Variants in PISD observed in about 807,000 individuals in gnomAD.
PISD encodes the protein phosphatidylserine decarboxylase.
PISD carries 31 observed loss-of-function variants against 43.5 expected under a neutral mutation model. The observed-to-expected ratio is 0.71, with a 90% CI of 0.54 to 0.96. The LOEUF (loss-of-function observed/expected upper bound fraction) is 0.96, where lower values mean the gene tolerates loss of function less well. Ranked by LOEUF, PISD falls within the 40% of genes least tolerant of loss-of-function variation. The pLI, the probability that PISD is intolerant of heterozygous loss-of-function variation, is 0.00. For synonymous variants in PISD, 259 were observed against 228.7 expected (o/e 1.13, Z -1.20); for missense variants, 523 against 548.4 (o/e 0.95, Z 0.46).
rs55946723 is a variant in PISD at position 31,624,712 on chromosome 22, GACACACACACACAC to G, written c.322-2841_322-2828del. On this transcript the variant is annotated intron_variant, in intron 3 of 7. Transcript: ENST00000439502. ...CAAGCCCCTCCTTTCAGCAAAGGTG[GACACACACACACAC>G]ACACACACACACACACACACACACA... Among the ~76,000 whole-genome samples, 969 of 111,986 alleles carry G rather than the reference GACACACACACACAC, an allele frequency of 8.7e-3. 5 individuals are homozygous for G. Among genetic ancestry groups the G allele is most frequent in the Non-Finnish European group, 0.014 (777 of 54,990 alleles). 73.5% of individuals were successfully genotyped at this position (111,986 alleles called of 152,430 possible). A position where few individuals can be genotyped will look rare whatever the true frequency, so the allele number is the denominator to read the frequency against.
chr22:31,658,246 T>G (rs981432058), intron 1 of PISD, among the ~76,000 whole-genome samples: 2 of 152,170 alleles, frequency 1.3e-5, no homozygotes, highest in African/African-American at 4.8e-5. Context: ...AAGCCCACAA[T>G]TGAGCACTCC....
intron 3 of PISD, among the ~76,000 whole-genome samples, chr22:31,640,552 A>G (rs1200738470): frequency 2.2e-5 from 3 of 138,646 alleles, no homozygotes; most frequent in South Asian, 2.3e-4. Flanking sequence ...AAATAAAAAC[A>G]TCCTTTTTGT....
At chr22:31,637,026 G>A (rs1043515790) in intron 3 of PISD, among the ~76,000 whole-genome samples, 1 of 149,694 alleles carries the variant, frequency 6.7e-6, no homozygotes, top group South Asian at 2.1e-4. Context: ...AGTAGCTCAC[G>A]CCTATAATTT....
chr22:31,635,753 T>C (rs1042147272), intron 3 of PISD, among the ~76,000 whole-genome samples: 3 of 152,028 alleles, frequency 2.0e-5, no homozygotes, highest in African/African-American at 7.2e-5. Flanking sequence ...TGCCCTAGAG[T>C]GAGCCCACAA....
intron 1 of PISD, among the ~76,000 whole-genome samples, chr22:31,657,787 T>G (rs953906607): frequency 1.3e-5 from 2 of 152,220 alleles, no homozygotes; most frequent in African/African-American, 4.8e-5. Flanking sequence ...TCCAAAGTGC[T>G]GGGATTACAG....
In PISD at chr22:31,618,609, G is replaced by A; in HGVS notation, c.*1003C>T. 2 of 516,018 alleles carry A rather than the reference G, an allele frequency of 3.9e-6. No homozygotes were observed. The highest frequency in any genetic ancestry group is 2.0e-5 in the African/African-American group (1 of 50,794). 32.0% of individuals were successfully genotyped at this position (516,018 alleles called of 1,614,324 possible). A position where few individuals can be genotyped will look rare whatever the true frequency, so the allele number is the denominator to read the frequency against. On this transcript the variant is annotated 3_prime_UTR_variant, in exon 8 of 8. Coordinates refer to ENST00000439502, the MANE Select transcript of PISD (RefSeq NM_001326411.2). ...ACTGATACAGTTGAAAAAATTCAAT[G>A]ATGTCTCTCCTGCAGGAGAAATTCA...
rs1031167752 is a variant in PISD at position 31,618,607 on chromosome 22, A to G, written c.*1005T>C. 3.9e-6 allele frequency: 2 copies of G among 518,690 alleles called. No homozygotes were observed. Among genetic ancestry groups the G allele is most frequent in the Non-Finnish European group, 6.2e-6 (2 of 321,124 alleles). The allele number at this position is 518,690 out of a possible 1,614,324, so 32.1% of individuals were successfully genotyped here. ...CTACTGATACAGTTGAAAAAATTCA[A>G]TGATGTCTCTCCTGCAGGAGAAATT... On this transcript the variant is annotated 3_prime_UTR_variant, in exon 8 of 8. Transcript: ENST00000439502.
In PISD at chr22:31,630,725, A is replaced by G; in HGVS notation, c.322-8840T>C. On this transcript the variant is annotated intron_variant, in intron 3 of 7. Coordinates refer to ENST00000439502, the MANE Select transcript of PISD (RefSeq NM_001326411.2). The surrounding 1 kb of genome is among the most constrained non-coding windows in gnomAD (Gnocchi z 4.4). ...ACCCCCACCCGGCACTGGCCCTCTG[A>G]GCGGGCAGGGTGGGGCGCCTCCCTG... The G allele has an allele frequency of 2.0e-6, 2 of 985,388 alleles. No homozygotes were observed. The highest frequency in any genetic ancestry group is 2.4e-6 in the Non-Finnish European group (2 of 829,906). The allele number at this position is 985,388 out of a possible 1,614,324, so 61.0% of individuals were successfully genotyped here.
intron 3 of PISD, among the ~76,000 whole-genome samples, chr22:31,637,131 TAATAAATAAATTA>T (rs1458912749): frequency 1.8e-4 from 12 of 66,512 alleles, no homozygotes; most frequent in African/African-American, 6.7e-4. Context: ...AAAAAAATAA[TAATAAATAAATTA>T]AAAAAAAAAA....
At position 31,621,155 on chromosome 22, in the gene PISD, A is replaced by G; in HGVS notation, c.698-13T>C. ...TCACACGACGCGGCTGTGGAGTAGG[A>G]GCAGACGTGGGGGCCACCAACACAG... On this transcript the variant is annotated splice_polypyrimidine_tract_variant and intron_variant, in intron 5 of 7. Coordinates refer to ENST00000439502, the MANE Select transcript of PISD (RefSeq NM_001326411.2). 2 of 1,614,082 alleles carry G rather than the reference A, an allele frequency of 1.2e-6. No homozygotes were observed. Among genetic ancestry groups the G allele is most frequent in the Non-Finnish European group, 8.5e-7 (1 of 1,180,012 alleles).
At position 31,625,841 on chromosome 22, in the gene PISD, A is replaced by G. The variant is rs2072880520; in HGVS notation, c.322-3956T>C. ...GGGCCGGCGCAGGGAGGGCGGGGCG[A>G]GGCTCACTCGATCACTCCCTTTGTT... On this transcript the variant is annotated intron_variant, in intron 3 of 7. Transcript: ENST00000439502. 4.4e-6 allele frequency: 7 copies of G among 1,586,794 alleles called. No homozygotes were observed. In the Admixed American group the frequency reaches 5.4e-5, roughly 12 times the overall value.
Position 31,619,805 on chromosome 22 carries a change from T to C in PISD, c.1037A>G (p.Lys346Arg), listed in dbSNP as rs150139304. Residue 346 changes from lysine (K) to arginine (R), a missense_variant, in exon 8 of 8, where the codon AAG becomes AGG. Transcript: ENST00000439502. ...GAAGCTGAAGTCATTGTAGGAGCCC[T>C]TGCTGTGCCTTGGGCTGTTTGTGTG... is the stretch of plus-strand genomic sequence containing the variant. Reference protein sequence around the residue: ...DLHTNSPRHSKGSYNDFSFVT... With the variant: ...DLHTNSPRHSRGSYNDFSFVT... 1.2e-6 allele frequency: 2 copies of C among 1,613,894 alleles called. No homozygotes were observed. The highest frequency in any genetic ancestry group is 1.3e-5 in the African/African-American group (1 of 74,934).
chr22:31,657,731 C>G (rs767652949), intron 1 of PISD, among the ~76,000 whole-genome samples: 1 of 151,302 alleles, frequency 6.6e-6, no homozygotes, highest in African/African-American at 2.4e-5. Flanking sequence ...TTGTTGGCCA[C>G]GCTGGTGTTG....
rs1422903280 is a variant in PISD, at chr22:31,619,651, T to A, written c.1191A>T (p.Gly397=). The A allele has an allele frequency of 6.2e-7, 1 of 1,614,090 alleles. No homozygotes were observed. Among genetic ancestry groups the A allele is most frequent in the Non-Finnish European group, 8.5e-7 (1 of 1,180,042 alleles). The change falls in exon 8 of 8, where the codon GGA becomes GGT. Residue 397 remains glycine (G), a synonymous_variant. Transcript: ENST00000439502. The part of the protein sequence containing the change: ...PKDFNFQLKT[G]QKIRFGEALG... The stretch of plus-strand genomic sequence containing the variant: ...GGGCTTCCCCAAAGCGGATTTTCTG[T>A]CCTGTTTTCAGCTGGAAATTGAAGT...
intron 3 of PISD, among the ~76,000 whole-genome samples, chr22:31,634,910 T>C (rs2073370369): frequency 6.6e-6 from 1 of 150,462 alleles, no homozygotes; most frequent in Admixed American, 6.6e-5. Flanking sequence ...CTCATGCCTG[T>C]AATCCCAACA....
chr22:31,642,842 C>CCTGTAATCCCAGCACTTTGGGAGG (rs2073775447), intron 3 of PISD, among the ~76,000 whole-genome samples: 1 of 150,122 alleles, frequency 6.7e-6, no homozygotes, highest in African/African-American at 2.5e-5. Context: ...GTGGCTCACA[C>CCTGTAATCCCAGCACTTTGGGAGG]CTGTAATCCC....
intron 1 of PISD, among the ~76,000 whole-genome samples, chr22:31,656,598 G>A (rs926510590): frequency 3.4e-5 from 5 of 147,540 alleles, no homozygotes; most frequent in Non-Finnish European, 6.0e-5. Flanking sequence ...GCAGGGAGCC[G>A]AGATCGCACA....
At chr22:31,621,178 C>T in intron 5 of PISD, 36 bp from the exon 6 acceptor site, 1 of 1,613,828 alleles carries the variant, frequency 6.2e-7, no homozygotes, top group Non-Finnish European at 8.5e-7. Flanking sequence ...GCCACCAACA[C>T]AGTGAGCACC....
At chr22:31,648,393 A>AGG in intron 2 of PISD, 117 bp from the exon 3 acceptor site, 1 of 796,962 alleles carries the variant, frequency 1.3e-6, no homozygotes, top group Non-Finnish European at 2.0e-6. Flanking sequence ...AGCCCTCAGT[A>AGG]GGGGACCAGG....
Sources: gnomAD v4.1 joint callset for allele counts (sites outside exome capture counted in the v4.1 genomes callset) on GRCh38, gnomAD v4.1.1 for gene constraint, Gnocchi (gnomAD v3.1) non-coding constraint, MANE v1.5 for transcripts, NCBI Gene and HGNC (gene_info 2026-07-23, HGNC 2026-07-21) for gene names.